The following VPS13B variants were observed in gnomAD, a reference collection of about 807,000 sequenced individuals.
VPS13B encodes intermembrane lipid transfer protein VPS13B.
VPS13B carries 285 observed loss-of-function variants against 426.4 expected under a neutral mutation model. The observed-to-expected ratio is 0.67, with a 90% CI of 0.61 to 0.74. The LOEUF is 0.74. Among genes scored for constraint, VPS13B ranks in the 30% least tolerant of loss-of-function variants. The pLI, the probability that VPS13B is intolerant of heterozygous loss-of-function variation, is 0.00. For synonymous variants in VPS13B, 1,676 were observed against 1,676.4 expected, an observed-to-expected ratio of 1.00 and a Z score of 0.01; for missense variants, 4,537 against 4,782.6, an observed-to-expected ratio of 0.95 and a Z score of 1.51.
chr8:99,586,507 GTC>G (rs1406356243), intron 33 of VPS13B, among the ~76,000 whole-genome samples: 1 of 152,072 alleles, frequency 6.6e-6, no homozygotes, highest in Non-Finnish European at 1.5e-5. Flanking sequence ...TTCTTAATGA[GTC>G]TTACTGTCTG....
At position 99,511,151 on chromosome 8, in the gene VPS13B, C is replaced by A. The variant is rs1821771347; in HGVS notation, c.4272C>A (p.Leu1424=). The A allele has an allele frequency of 6.2e-7, 1 of 1,613,814 alleles. No individual in the cohort carries two copies. Among genetic ancestry groups the A allele is most frequent in the Admixed American group, 1.7e-5 (1 of 60,012 alleles). ...LDGTHQQHGF[L]SLTYTKAVTK... ...GCACTCATCAGCAGCATGGATTCCT[C>A]TCTCTGACATACACAAAAGCTGTAA... Residue 1424 remains leucine (L), a synonymous_variant, in exon 29 of 62, where the codon CTC becomes CTA. Coordinates refer to ENST00000357162, the MANE Select transcript of VPS13B (RefSeq NM_152564.5).
intron 21 of VPS13B, 111 bp from the exon 22 acceptor site, chr8:99,431,425 TA>T (rs890760189): frequency 5.2e-6 from 7 of 1,347,840 alleles, no homozygotes; most frequent in African/African-American, 4.4e-5. Flanking sequence ...TAATCTCATA[TA>T]AAAATTATAA....
chr8:99,691,616 A>G (rs1283474213), intron 35 of VPS13B, among the ~76,000 whole-genome samples: 1 of 151,734 alleles, frequency 6.6e-6, no homozygotes, highest in Non-Finnish European at 1.5e-5. Context: ...CATCGAGACT[A>G]GGAAGAAACT....
chr8:99,027,918 C>T (rs1842221882), intron 2 of VPS13B, among the ~76,000 whole-genome samples: 1 of 152,072 alleles, frequency 6.6e-6, no homozygotes, highest in Admixed American at 6.5e-5. Flanking sequence ...TCCCTGGGTA[C>T]TTAAGATTAG....
chr8:99,374,135 C>T (rs933489191), intron 19 of VPS13B, among the ~76,000 whole-genome samples: 16 of 150,870 alleles, frequency 1.1e-4, no homozygotes, highest in African/African-American at 3.9e-4. Flanking sequence ...TTATCCTTAT[C>T]GTGATTTCCT....
chr8:99,534,075 G>C (rs1165422804), intron 30 of VPS13B, among the ~76,000 whole-genome samples: 1 of 152,182 alleles, frequency 6.6e-6, no homozygotes, highest in Non-Finnish European at 1.5e-5. Context: ...GTAAGTCAGA[G>C]AGAGAGAGAG....
intron 5 of VPS13B, among the ~76,000 whole-genome samples, chr8:99,104,958 A>G (rs569391103): frequency 2.0e-5 from 3 of 152,092 alleles, no homozygotes; most frequent in Non-Finnish European, 4.4e-5. Context: ...GCCTGTTTTT[A>G]TCTCTTTTTA....
At chr8:99,261,100 T>A (rs1818016364) in intron 17 of VPS13B, among the ~76,000 whole-genome samples, 1 of 152,112 alleles carries the variant, frequency 6.6e-6, no homozygotes, top group East Asian at 1.9e-4. Flanking sequence ...GATACATTTG[T>A]TACCTTCATG....
chr8:99,708,340 C>T (rs76935623), intron 36 of VPS13B, among the ~76,000 whole-genome samples: 2,522 of 152,192 alleles, frequency 0.017, 54 homozygotes, highest in Non-Finnish European at 0.021. Flanking sequence ...TTCCAGGATC[C>T]TAGAGTTCTA....
chr8:99,067,941 C>G (rs1206608689), intron 3 of VPS13B, among the ~76,000 whole-genome samples: 1 of 152,156 alleles, frequency 6.6e-6, no homozygotes, highest in Non-Finnish European at 1.5e-5. Context: ...CCCATGCTCC[C>G]ATTGTTTTCC....
At chr8:99,113,247 T>C (rs1301513718) in intron 6 of VPS13B, among the ~76,000 whole-genome samples, 1 of 152,070 alleles carries the variant, frequency 6.6e-6, no homozygotes, top group Non-Finnish European at 1.5e-5. Context: ...TACAGGCGCA[T>C]GTCTCCATCC....
At chr8:99,339,246 C>A (rs1811101081) in intron 19 of VPS13B, among the ~76,000 whole-genome samples, 1 of 151,968 alleles carries the variant, frequency 6.6e-6, no homozygotes, top group South Asian at 2.1e-4. Flanking sequence ...TAAAGAAATA[C>A]CTAAGACTGG....
intron 35 of VPS13B, among the ~76,000 whole-genome samples, chr8:99,692,649 C>T (rs1831735427): frequency 7.8e-6 from 1 of 128,088 alleles, no homozygotes; most frequent in African/African-American, 3.1e-5. Flanking sequence ...AAAGCAAGAG[C>T]AAACACATTC....
chr8:99,444,746 T>G (rs986137287), intron 23 of VPS13B, among the ~76,000 whole-genome samples: 2 of 152,164 alleles, frequency 1.3e-5, no homozygotes, highest in Admixed American at 6.5e-5. Flanking sequence ...CACGGCTCAC[T>G]GCCGCCTTGA....
chr8:99,284,698 G>A (rs151012230), intron 19 of VPS13B, among the ~76,000 whole-genome samples: 47 of 148,676 alleles, frequency 3.2e-4, no homozygotes, highest in African/African-American at 1.2e-3. Context: ...CTACAGGCAT[G>A]AGCTGCCACA....
intron 43 of VPS13B, among the ~76,000 whole-genome samples, chr8:99,793,456 A>G (rs1812663663): frequency 1.3e-5 from 2 of 152,006 alleles, no homozygotes; most frequent in Admixed American, 1.3e-4. Flanking sequence ...TTCTCTTTAG[A>G]TACTATGGAG....
At chr8:99,085,341 G>C (rs986952173) in intron 3 of VPS13B, among the ~76,000 whole-genome samples, 3 of 152,078 alleles carry the variant, frequency 2.0e-5, no homozygotes, top group Non-Finnish European at 4.4e-5. Context: ...TTGAGCCTAT[G>C]TGTGTCTCTG....
At chr8:99,183,997 TATA>T (rs752614235) in intron 16 of VPS13B, among the ~76,000 whole-genome samples, 3 of 152,238 alleles carry the variant, frequency 2.0e-5, no homozygotes, top group Admixed American at 6.5e-5. Flanking sequence ...CCCTGGAATC[TATA>T]ATATGTTGTG....
At chr8:99,041,175 T>G (rs1052336822) in intron 3 of VPS13B, among the ~76,000 whole-genome samples, 9 of 152,346 alleles carry the variant, frequency 5.9e-5, no homozygotes, top group Non-Finnish European at 8.8e-5. Context: ...TGATGTTTAC[T>G]CTGAATTTTA....
Sources: allele counts gnomAD v4.1 joint callset (sites outside exome capture counted in the v4.1 genomes callset), GRCh38; gene constraint gnomAD v4.1.1; transcripts MANE v1.5; gene names NCBI Gene and HGNC (gene_info 2026-07-23, HGNC 2026-07-21).